The following GPC5 variants were observed in gnomAD, a reference collection of about 807,000 sequenced individuals.
GPC5 encodes the protein glypican 5, also known as glypican-5.
A neutral mutation model predicts 53.9 loss-of-function variants in GPC5; 47 were observed. The observed-to-expected ratio is 0.87, with a 90% CI of 0.69 to 1.11. The LOEUF is 1.11. GPC5 is among the 50% of genes most tolerant of loss of function. GPC5 has a pLI of 0.00. For synonymous variants in GPC5, 286 were observed against 263.3 expected, an observed-to-expected ratio of 1.09 and a Z score of -0.84; for missense variants, 748 against 713.1, an observed-to-expected ratio of 1.05 and a Z score of -0.56.
At chr13:91,975,466 G>T (rs2040290669) in intron 6 of GPC5, among the ~76,000 whole-genome samples, 2 of 152,156 alleles carry the variant, frequency 1.3e-5, no homozygotes, top group African/African-American at 4.8e-5. Flanking sequence ...CAAAGGATAT[G>T]AACAGACACT....
intron 2 of GPC5, among the ~76,000 whole-genome samples, chr13:91,565,757 T>C (rs1442390713): frequency 1.3e-5 from 2 of 152,314 alleles, no homozygotes; most frequent in East Asian, 1.9e-4. Flanking sequence ...ATAACAAATA[T>C]ACACAAATAA....
At chr13:92,394,186 T>C (rs546356929) in intron 7 of GPC5, among the ~76,000 whole-genome samples, 1 of 152,148 alleles carries the variant, frequency 6.6e-6, no homozygotes, top group African/African-American at 2.4e-5. Flanking sequence ...CATCTAAGGG[T>C]GTATAGTATA....
chr13:92,270,297 G>C (rs2042831202), intron 7 of GPC5, among the ~76,000 whole-genome samples: 1 of 152,288 alleles, frequency 6.6e-6, no homozygotes, highest in Middle Eastern at 3.4e-3. Context: ...TTGGAGGTGG[G>C]TCTCCGTGGG....
chr13:91,885,266 T>G (rs1024555497), intron 5 of GPC5, among the ~76,000 whole-genome samples: 1 of 152,348 alleles, frequency 6.6e-6, no homozygotes, highest in African/African-American at 2.4e-5. Context: ...CTTGATTATA[T>G]TCTTATTCTC....
At chr13:91,505,709 C>T (rs565240832) in intron 2 of GPC5, among the ~76,000 whole-genome samples, 14 of 152,198 alleles carry the variant, frequency 9.2e-5, no homozygotes, top group Admixed American at 6.5e-4. Flanking sequence ...ATTCATTGCC[C>T]GTTTTACTTT....
chr13:92,799,108 C>G (rs1876808113), intron 7 of GPC5, among the ~76,000 whole-genome samples: 1 of 151,560 alleles, frequency 6.6e-6, no homozygotes, highest in East Asian at 1.9e-4. Context: ...ACAAAAGTCA[C>G]TCTTAGAGAT....
At chr13:92,444,433 G>C (rs1322148738) in intron 7 of GPC5, among the ~76,000 whole-genome samples, 1 of 152,148 alleles carries the variant, frequency 6.6e-6, no homozygotes, top group African/African-American at 2.4e-5. Context: ...ACTCAATTCA[G>C]GGTCTCAATT....
At chr13:92,501,329 A>G (rs1205020078) in intron 7 of GPC5, among the ~76,000 whole-genome samples, 1 of 152,176 alleles carries the variant, frequency 6.6e-6, no homozygotes, top group Non-Finnish European at 1.5e-5. Flanking sequence ...GATAGGCACA[A>G]TCACAGGATG....
intron 7 of GPC5, among the ~76,000 whole-genome samples, chr13:92,658,020 T>C (rs2139178835): frequency 6.6e-6 from 1 of 152,344 alleles, no homozygotes. Context: ...TCATTTATAA[T>C]ATCACAGAAC....
At chr13:92,296,584 C>A (rs1016114645) in intron 7 of GPC5, among the ~76,000 whole-genome samples, 1 of 152,158 alleles carries the variant, frequency 6.6e-6, no homozygotes, top group Non-Finnish European at 1.5e-5. Flanking sequence ...AGCCCTTCAG[C>A]CCCCTACTGC....
chr13:91,551,918 G>T (rs1318033007), intron 2 of GPC5, among the ~76,000 whole-genome samples: 1 of 151,892 alleles, frequency 6.6e-6, no homozygotes, highest in Non-Finnish European at 1.5e-5. Flanking sequence ...TTTTAATACT[G>T]GTTAATATAT....
chr13:92,370,221 C>T (rs116424045), intron 7 of GPC5, among the ~76,000 whole-genome samples: 1,910 of 152,176 alleles, frequency 0.013, 33 homozygotes, highest in African/African-American at 0.043. Context: ...GTATTTTTTC[C>T]TAGTCCGTTG....
chr13:92,308,661 C>T (rs1428806898), intron 7 of GPC5, among the ~76,000 whole-genome samples: 3 of 151,922 alleles, frequency 2.0e-5, no homozygotes, highest in African/African-American at 7.2e-5. Context: ...AGGGCATGGC[C>T]GTTTCATATT....
At chr13:91,534,276 C>CAT (rs557863371) in intron 2 of GPC5, among the ~76,000 whole-genome samples, 10 of 151,952 alleles carry the variant, frequency 6.6e-5, no homozygotes, top group Non-Finnish European at 7.4e-5. Flanking sequence ...CCCATATGTA[C>CAT]ATATATATAT....
At chr13:92,199,926 C>T (rs2042282601) in intron 7 of GPC5, among the ~76,000 whole-genome samples, 1 of 152,078 alleles carries the variant, frequency 6.6e-6, no homozygotes, top group South Asian at 2.1e-4. Flanking sequence ...TTGCAATATA[C>T]ATTTTTTAAA....
intron 7 of GPC5, among the ~76,000 whole-genome samples, chr13:92,272,371 T>G (rs1459317828): frequency 6.6e-6 from 1 of 152,118 alleles, no homozygotes; most frequent in Non-Finnish European, 1.5e-5. Context: ...AGCCATGAGG[T>G]ACTTGGGGCT....
intron 5 of GPC5, among the ~76,000 whole-genome samples, chr13:91,899,734 T>C (rs1291186048): frequency 1.3e-5 from 2 of 152,112 alleles, no homozygotes; most frequent in African/African-American, 4.8e-5. Context: ...GAGAAGGTCA[T>C]GTGAAGATGG....
At chr13:92,232,745 A>G (rs1012442233) in intron 7 of GPC5, among the ~76,000 whole-genome samples, 1 of 151,488 alleles carries the variant, frequency 6.6e-6, no homozygotes, top group African/African-American at 2.5e-5. Context: ...GTTTTTCATG[A>G]TTAGTGGATC....
At chr13:92,612,343 T>C (rs533380811) in intron 7 of GPC5, among the ~76,000 whole-genome samples, 1 of 152,256 alleles carries the variant, frequency 6.6e-6, no homozygotes, top group South Asian at 2.1e-4. Flanking sequence ...ATCATTAGTA[T>C]AATTTATTAT....
Sources: gnomAD v4.1 joint callset for allele counts (sites outside exome capture counted in the v4.1 genomes callset) on GRCh38, gnomAD v4.1.1 for gene constraint, MANE v1.5 for transcripts, NCBI Gene and HGNC (gene_info 2026-07-23, HGNC 2026-07-21) for gene names.